Variants in CFAP97 observed in about 807,000 individuals in gnomAD.
CFAP97 encodes the protein cilia- and flagella-associated protein 97.
A neutral mutation model predicts 43.1 loss-of-function variants in CFAP97; 36 were observed. The ratio of observed to expected loss-of-function variants is 0.84; its 90% CI spans 0.64 to 1.10. CFAP97 has a LOEUF of 1.10. CFAP97 is among the 50% of genes least tolerant of loss of function. CFAP97 has a pLI of 0.00. For synonymous variants in CFAP97, 228 were observed against 225.7 expected (o/e 1.01, Z -0.09); for missense variants, 657 against 620.3 (o/e 1.06, Z -0.63).
chr4:185,175,673 G>A (rs1735486880), intron 3 of CFAP97, 113 bp downstream of exon 3: 2 of 955,434 alleles, frequency 2.1e-6, no homozygotes, highest in African/African-American at 3.3e-5. Flanking sequence ...TACCGCACCT[G>A]CTTTTATGTA....
At chr4:185,185,750 T>C (rs1008596206) in intron 2 of CFAP97, among the ~76,000 whole-genome samples, 1 of 149,858 alleles carries the variant, frequency 6.7e-6, no homozygotes, top group Non-Finnish European at 1.5e-5. Flanking sequence ...GATCCTCCTA[T>C]CTCAACCTCC....
intron 2 of CFAP97, among the ~76,000 whole-genome samples, chr4:185,189,400 G>A (rs1402765177): frequency 6.6e-6 from 1 of 152,104 alleles, no homozygotes; most frequent in East Asian, 1.9e-4. Flanking sequence ...CAGGAAGACA[G>A]AGAATTCTAT....
At chr4:185,171,660 T>C (rs987229202) in intron 3 of CFAP97, among the ~76,000 whole-genome samples, 1 of 152,236 alleles carries the variant, frequency 6.6e-6, no homozygotes, top group African/African-American at 2.4e-5. Context: ...AGATTGTTCT[T>C]ATGCTCATTC....
chr4:185,163,339 A>C (rs1579224176), intron 4 of CFAP97, among the ~76,000 whole-genome samples: 1 of 152,260 alleles, frequency 6.6e-6, no homozygotes, highest in East Asian at 1.9e-4. Context: ...ACTAGTCTTG[A>C]GAGTTGAAGA....
intron 2 of CFAP97, among the ~76,000 whole-genome samples, chr4:185,183,094 C>T (rs1735866477): frequency 6.7e-6 from 1 of 149,448 alleles, no homozygotes; most frequent in Admixed American, 6.6e-5. Context: ...AGCAAGACTC[C>T]GTCTCAAAAA....
In CFAP97 at chr4:185,162,749, A is replaced by G. The variant is rs376360658; in HGVS notation, c.*49T>C. 14 of 1,581,336 alleles carry G rather than the reference A, an allele frequency of 8.9e-6. No homozygotes were observed. Among genetic ancestry groups the G allele is most frequent in the Non-Finnish European group, 1.2e-5 (14 of 1,157,470 alleles). On this transcript the variant is annotated 3_prime_UTR_variant, in exon 5 of 5. Transcript: ENST00000458385. ...ACAGAGAATTATAGGAATATGCACGAGCACTTCAAGAAAAGTTGTGTGAAC... is the reference window on the plus strand; with the variant it reads ...ACAGAGAATTATAGGAATATGCACGGGCACTTCAAGAAAAGTTGTGTGAAC...
At chr4:185,175,420 C>T (rs1437019252) in intron 3 of CFAP97, among the ~76,000 whole-genome samples, 16 of 152,056 alleles carry the variant, frequency 1.1e-4, no homozygotes. Flanking sequence ...GTGTGTGCCA[C>T]CATGCCCACC....
At chr4:185,209,968 G>A, upstream of CFAP97, 12 of 983,552 alleles carry the variant, frequency 1.2e-5, no homozygotes, top group Non-Finnish European at 1.4e-5. The surrounding 1 kb of genome is among the most constrained non-coding windows in gnomAD (Gnocchi z 5.2). Context: ...AGCAGCGGCG[G>A]CGCCGGGGGC....
intron 2 of CFAP97, among the ~76,000 whole-genome samples, chr4:185,177,136 A>T (rs969567762): frequency 1.3e-5 from 2 of 152,164 alleles, no homozygotes; most frequent in African/African-American, 4.8e-5. Flanking sequence ...CACTGAGGCC[A>T]GGCGCGGTGG....
chr4:185,164,317 G>T, intron 3 of CFAP97, 138 bp from the exon 4 acceptor site: 1 of 869,224 alleles, frequency 1.2e-6, no homozygotes, highest in Non-Finnish European at 1.7e-6. Flanking sequence ...CACTCAGGCT[G>T]GCCTGGAACT....
rs758086198 is a variant in CFAP97, at chr4:185,175,882, T to G, written c.1224A>C (p.Lys408Asn). ...LSRQAEKPGS[K>N]STIPRSADHP... ...GATCAGCCGATCTAGGAATTGTACT[T>G]TTGCTTCCCGGCTTTTCCGCCTGTC... Residue 408 changes from lysine (K) to asparagine (N), a missense_variant, in exon 3 of 5, where the codon AAA becomes AAC. Transcript: ENST00000458385. 6 of 1,613,836 alleles carry G rather than the reference T, an allele frequency of 3.7e-6. No individual in the cohort carries two copies. In the African/African-American group the frequency reaches 8.0e-5, roughly 22 times the overall value.
intron 2 of CFAP97, among the ~76,000 whole-genome samples, chr4:185,178,325 G>T (rs1735642043): frequency 7.6e-6 from 1 of 132,350 alleles, no homozygotes; most frequent in Non-Finnish European, 1.5e-5. Context: ...TTGGTTCACT[G>T]CAACCTCTGC....
chr4:185,176,109 C>CATTTT, intron 2 of CFAP97, 58 bp from the exon 3 acceptor site: 8 of 1,029,468 alleles, frequency 7.8e-6, no homozygotes, highest in Non-Finnish European at 9.1e-6. Flanking sequence ...GTGGTACATG[C>CATTTT]TTTTTTTTTT....
rs774713416 is a variant in CFAP97 at position 185,190,966 on chromosome 4, TG to T, written c.230del (p.Pro77GlnfsTer5). On this transcript the variant is annotated frameshift_variant, in exon 2 of 5. Coordinates refer to ENST00000458385, the MANE Select transcript of CFAP97 (RefSeq NM_020827.3). LOFTEE classifies it high-confidence loss of function. ...KGNERNVKFP[P>X]EHPVENDVTQ... ...TAACATCATTCTCTACGGGGTGTTC[TG>T]GGGGAAATTTCACGTTTCTTTCATT... 2.4e-5 allele frequency: 38 copies of T among 1,613,692 alleles called. No homozygotes were observed. The highest frequency in any genetic ancestry group is 3.1e-5 in the Non-Finnish European group (37 of 1,179,798).
upstream of CFAP97, among the ~76,000 whole-genome samples, chr4:185,205,256 C>T (rs2111444802): frequency 6.6e-6 from 1 of 152,264 alleles, no homozygotes; most frequent in East Asian, 1.9e-4. Flanking sequence ...GAGTTCAAGA[C>T]CAGCCTGACT....
chr4:185,185,220 C>A (rs1336661124), intron 2 of CFAP97, among the ~76,000 whole-genome samples: 2 of 151,248 alleles, frequency 1.3e-5, no homozygotes, highest in African/African-American at 4.9e-5. Context: ...TTTTTCTGAA[C>A]AGGAAATGGG....
chr4:185,198,261 G>A (rs1339427947), intron 1 of CFAP97, among the ~76,000 whole-genome samples: 3 of 151,932 alleles, frequency 2.0e-5, no homozygotes, highest in East Asian at 3.9e-4. Flanking sequence ...TGGCCAACAC[G>A]GTGAAACCCT....
intron 1 of CFAP97, among the ~76,000 whole-genome samples, chr4:185,199,664 T>C (rs1736735912): frequency 6.6e-6 from 1 of 152,086 alleles, no homozygotes; most frequent in Admixed American, 6.5e-5. Flanking sequence ...AGCAAGACTC[T>C]GTCCAAAAAA....
chr4:185,169,487 T>C (rs1735205823), intron 3 of CFAP97: 1 of 574,246 alleles, frequency 1.7e-6, no homozygotes, highest in Non-Finnish European at 2.2e-6. Context: ...TGCAGAACTG[T>C]AAGTCAATTA....
Sources: allele counts gnomAD v4.1 joint callset (sites outside exome capture counted in the v4.1 genomes callset), GRCh38; gene constraint gnomAD v4.1.1; non-coding constraint Gnocchi (gnomAD v3.1); transcripts MANE v1.5; gene names NCBI Gene and HGNC (gene_info 2026-07-23, HGNC 2026-07-21).